ACOXL: variants seen among roughly 807,000 people sequenced by gnomAD.
ACOXL encodes the protein acyl-coenzyme A oxidase-like protein.
In ACOXL, 70 loss-of-function variants were observed where a neutral mutation model predicts 71.9. That is an observed-to-expected ratio of 0.97 (90% CI 0.80 to 1.19). The LOEUF (loss-of-function observed/expected upper bound fraction) is 1.19. Among genes scored for constraint, ACOXL ranks in the 50% most tolerant of loss-of-function variants. The pLI, the probability that ACOXL is intolerant of heterozygous loss-of-function variation, is 0.00. For missense variants in ACOXL, 703 were observed against 736.3 expected (o/e 0.95, Z 0.52); for synonymous variants, 253 against 281.6 (o/e 0.90, Z 1.02).
At position 110,898,635 on chromosome 2, in the gene ACOXL, A is replaced by G. The variant is rs186255397; in HGVS notation, c.789-10154A>G. Among the ~76,000 whole-genome samples, 4 of 152,326 alleles carry G rather than the reference A, an allele frequency of 2.6e-5. 1 individual carries two copies. The East Asian group carries it at 7.7e-4, about 29-fold the overall frequency. On this transcript the variant is annotated intron_variant, in intron 10 of 17. Transcript: ENST00000439055. ...ACGAAAATTGTACAGCCAACATTAC[A>G]CGTTATGGTAAAGGACTGAATTATT...
chr2:111,013,179 T>G (rs1391139884), intron 14 of ACOXL, among the ~76,000 whole-genome samples: 1 of 152,162 alleles, frequency 6.6e-6, no homozygotes, highest in Non-Finnish European at 1.5e-5. Flanking sequence ...ACAAGTTCAG[T>G]AACTTAGAAT....
intron 1 of ACOXL, among the ~76,000 whole-genome samples, chr2:110,767,003 G>A (rs557947782): frequency 6.6e-6 from 1 of 152,232 alleles, no homozygotes; most frequent in Non-Finnish European, 1.5e-5. Context: ...CTTTTGCAGG[G>A]TTATGGGGTA....
At chr2:110,797,342 T>C (rs1685404454) in intron 5 of ACOXL, among the ~76,000 whole-genome samples, 1 of 152,196 alleles carries the variant, frequency 6.6e-6, no homozygotes, top group Non-Finnish European at 1.5e-5. Flanking sequence ...CTAAGATTTT[T>C]CCCTCCTAAG....
chr2:110,980,602 C>T (rs1451364461), intron 12 of ACOXL, among the ~76,000 whole-genome samples: 4 of 152,196 alleles, frequency 2.6e-5, no homozygotes, highest in Non-Finnish European at 5.9e-5. Flanking sequence ...AACAGGAAAT[C>T]GCAGAGGTGG....
At chr2:110,765,667 A>G (rs376594704) in intron 1 of ACOXL, among the ~76,000 whole-genome samples, 11 of 152,300 alleles carry the variant, frequency 7.2e-5, no homozygotes, top group Non-Finnish European at 1.6e-4. Flanking sequence ...TGGTTCATAG[A>G]TGGTGCCTTC....
At chr2:110,879,628 C>T (rs571359587) in intron 10 of ACOXL, among the ~76,000 whole-genome samples, 118 of 152,186 alleles carry the variant, frequency 7.8e-4, no homozygotes, top group Middle Eastern at 3.4e-3. Context: ...AAATCAGTAA[C>T]GGTATTGACT....
intron 17 of ACOXL, among the ~76,000 whole-genome samples, chr2:111,115,857 C>T (rs2070314778): frequency 6.6e-6 from 1 of 152,160 alleles, no homozygotes; most frequent in Non-Finnish European, 1.5e-5. Context: ...TGAAGAAACC[C>T]TCCTTTTCAC....
At chr2:111,024,789 C>T (rs1363384795) in intron 14 of ACOXL, among the ~76,000 whole-genome samples, 1 of 151,776 alleles carries the variant, frequency 6.6e-6, no homozygotes, top group Non-Finnish European at 1.5e-5. Flanking sequence ...TGCCTGTTCT[C>T]ATTGGCAAGG....
At chr2:110,925,470 C>A (rs1407189526) in intron 11 of ACOXL, among the ~76,000 whole-genome samples, 1 of 152,242 alleles carries the variant, frequency 6.6e-6, no homozygotes, top group African/African-American at 2.4e-5. Flanking sequence ...CATCACCTTG[C>A]ATTTCTATGC....
chr2:111,012,085 T>G (rs1405985331), intron 14 of ACOXL, among the ~76,000 whole-genome samples: 1 of 152,136 alleles, frequency 6.6e-6, no homozygotes, highest in Non-Finnish European at 1.5e-5. Context: ...AATAAGTAGG[T>G]AAAAATGTAA....
chr2:111,096,119 T>C (rs1192788442), intron 17 of ACOXL, among the ~76,000 whole-genome samples: 1 of 152,208 alleles, frequency 6.6e-6, no homozygotes, highest in Non-Finnish European at 1.5e-5. Flanking sequence ...TGTTTTCACA[T>C]GATAGCTCTC....
Position 110,794,889 on chromosome 2 carries a change from C to T in ACOXL, c.345+715C>T, listed in dbSNP as rs999657208. Among the ~76,000 whole-genome samples the T allele has an allele frequency of 3.3e-5, 5 of 152,222 alleles. No homozygotes were observed. In the East Asian group the frequency reaches 5.8e-4, roughly 18 times the overall value. ...TCCATAGTGGGTCATAACATACCCT[C>T]GGGACGCTGCTTTGTAACCCTCATG... On this transcript the variant is annotated intron_variant, in intron 5 of 17. Coordinates refer to ENST00000439055, the MANE Select transcript of ACOXL (RefSeq NM_001142807.4).
chr2:110,966,205 G>A (rs2061920819), intron 12 of ACOXL, among the ~76,000 whole-genome samples: 1 of 152,084 alleles, frequency 6.6e-6, no homozygotes, highest in East Asian at 1.9e-4. Flanking sequence ...GTGGAAACAG[G>A]TGGTGCTCAG....
chr2:111,107,153 A>C (rs1413875567), intron 17 of ACOXL, among the ~76,000 whole-genome samples: 2 of 152,204 alleles, frequency 1.3e-5, no homozygotes, highest in Admixed American at 1.3e-4. Context: ...GGGGCATGGA[A>C]TGCACAGTTT....
At chr2:110,851,190 C>T (rs1326526079) in intron 10 of ACOXL, among the ~76,000 whole-genome samples, 11 of 152,056 alleles carry the variant, frequency 7.2e-5, no homozygotes, top group Non-Finnish European at 1.2e-4. Context: ...GGTGGTGACA[C>T]GACTGTATAT....
chr2:110,755,705 C>T (rs1328129649), intron 1 of ACOXL, among the ~76,000 whole-genome samples: 1 of 152,116 alleles, frequency 6.6e-6, no homozygotes, highest in Admixed American at 6.5e-5. Context: ...GGAACATACT[C>T]CATCTAGTGG....
At position 110,794,186 on chromosome 2, in the gene ACOXL, A is replaced by G. The variant is rs13388313; in HGVS notation, c.345+12A>G. ...ACCTCTCTGCCCAGGTGAGGAATCC[A>G]TCCTTCTCCTGCCGTGCAGGGGAGC... On this transcript the variant is annotated intron_variant, in intron 5 of 17. Coordinates refer to ENST00000439055, the MANE Select transcript of ACOXL (RefSeq NM_001142807.4). 113,155 of 1,613,264 alleles carry G rather than the reference A, an allele frequency of 0.07. 9,503 individuals are homozygous for G. The highest frequency in any genetic ancestry group is 0.43 in the African/African-American group (32,190 of 74,934).
intron 11 of ACOXL, among the ~76,000 whole-genome samples, chr2:110,920,376 C>T (rs2060020964): frequency 6.6e-6 from 1 of 152,122 alleles, no homozygotes; most frequent in Non-Finnish European, 1.5e-5. Flanking sequence ...TGTGTATCTT[C>T]TTTAGCAAAG....
chr2:110,926,831 G>A (rs1018120322), intron 11 of ACOXL, among the ~76,000 whole-genome samples: 5 of 151,996 alleles, frequency 3.3e-5, no homozygotes, highest in Non-Finnish European at 7.4e-5. Context: ...TCCCCATTCA[G>A]CCTGGCCCTC....
Sources: allele counts gnomAD v4.1 joint callset (sites outside exome capture counted in the v4.1 genomes callset), GRCh38; gene constraint gnomAD v4.1.1; transcripts MANE v1.5; gene names NCBI Gene and HGNC (gene_info 2026-07-23, HGNC 2026-07-21).